UTP20: variants seen among roughly 807,000 people sequenced by gnomAD.
The protein encoded by UTP20 is small subunit processome component 20 homolog.
In UTP20, 164 loss-of-function variants were observed where a neutral mutation model predicts 329.5. That is an observed-to-expected ratio of 0.50 (90% CI 0.44 to 0.57). The LOEUF is 0.57. UTP20 is among the 20% of genes least tolerant of loss of function. The probability of loss-of-function intolerance (pLI) is 0.00; values close to 1 mark genes in which losing one functional copy is unlikely to be tolerated. For missense variants in UTP20, 3,055 were observed against 3,284.2 expected (o/e 0.93, Z 1.71); for synonymous variants, 1,151 against 1,159.3 (o/e 0.99, Z 0.14).
chr12:101,299,559 C>G, intron 12 of UTP20, 123 bp from the exon 13 acceptor site: 1 of 880,806 alleles, frequency 1.1e-6, no homozygotes, highest in Non-Finnish European at 1.6e-6. Context: ...TTAGCTCAAC[C>G]ACCACCACCA....
chr12:101,366,901 A>T (rs1231357848), intron 47 of UTP20, among the ~76,000 whole-genome samples: 1 of 152,106 alleles, frequency 6.6e-6, no homozygotes, highest in Non-Finnish European at 1.5e-5. Context: ...ACTGTCCCAG[A>T]ATTAATGATT....
chr12:101,306,595 A>T, intron 16 of UTP20, 104 bp from the exon 17 acceptor site: 2 of 1,010,178 alleles, frequency 2.0e-6, no homozygotes, highest in Non-Finnish European at 2.8e-6. Flanking sequence ...GTCAAATGGT[A>T]TTTTTTTTTT....
chr12:101,327,634 T>C (rs76779829), intron 26 of UTP20, among the ~76,000 whole-genome samples: 122 of 152,320 alleles, frequency 8.0e-4, no homozygotes, highest in Middle Eastern at 3.4e-3. Flanking sequence ...CATTCATCTA[T>C]TCGGTAATGA....
chr12:101,350,192 T>G (rs906699058), intron 38 of UTP20, among the ~76,000 whole-genome samples: 1 of 152,104 alleles, frequency 6.6e-6, no homozygotes. Flanking sequence ...ACTTGCACAG[T>G]GTCTCGCTCT....
intron 29 of UTP20, among the ~76,000 whole-genome samples, chr12:101,337,504 T>C (rs1868971886): frequency 6.6e-6 from 1 of 152,196 alleles, no homozygotes; most frequent in Non-Finnish European, 1.5e-5. Flanking sequence ...TTCATGTGAG[T>C]CTTTCATTAT....
intron 9 of UTP20, 33 bp downstream of exon 9, chr12:101,291,921 G>A: frequency 6.2e-7 from 1 of 1,607,002 alleles, no homozygotes. Context: ...TCGAGAGTCT[G>A]GTTTTTAAAA....
At chr12:101,379,830 T>TC (rs1442189402) in intron 57 of UTP20, among the ~76,000 whole-genome samples, 2 of 152,078 alleles carry the variant, frequency 1.3e-5, no homozygotes, top group Non-Finnish European at 2.9e-5. Flanking sequence ...GTTTTTTTTT[T>TC]CTTTTCTGAG....
At position 101,380,361 on chromosome 12, in the gene UTP20, A is replaced by G. The variant is rs190621694; in HGVS notation, c.7585-779A>G. 1.8e-3 allele frequency among the ~76,000 whole-genome samples: 272 copies of G among 152,066 alleles called. 3 individuals carry two copies. Among genetic ancestry groups the G allele is most frequent in the East Asian group, 4.2e-3 (22 of 5,180 alleles). Reference sequence around the variant, plus strand: ...GCCACTGCACTCCAGTCTGGGCAAGACCGAGATCTTATCTCAAAAAAACAA... The same window carrying G: ...GCCACTGCACTCCAGTCTGGGCAAGGCCGAGATCTTATCTCAAAAAAACAA... On this transcript the variant is annotated intron_variant, in intron 57 of 61. Transcript: ENST00000261637.
In UTP20 at chr12:101,325,395, C is replaced by CT. The variant is rs370794959; in HGVS notation, c.3042-1685dup. Reference sequence around the variant, plus strand: ...TGGCCAAAAGTTTTTTATGCTACTACTACTAAGACATTATCTTTTTCACTG... The same window carrying CT: ...TGGCCAAAAGTTTTTTATGCTACTACTTACTAAGACATTATCTTTTTCACTG... On this transcript the variant is annotated intron_variant, in intron 25 of 61. Transcript: ENST00000261637. Among the ~76,000 whole-genome samples the CT allele has an allele frequency of 2.8e-3, 421 of 152,308 alleles. 2 individuals carry two copies. Among genetic ancestry groups the CT allele is most frequent in the African/African-American group, 9.5e-3 (393 of 41,564 alleles).
At chr12:101,349,577 T>C (rs546851622) in intron 38 of UTP20, among the ~76,000 whole-genome samples, 11 of 152,096 alleles carry the variant, frequency 7.2e-5, no homozygotes, top group Non-Finnish European at 1.3e-4. Flanking sequence ...TAACTGGGAC[T>C]ACAGGCATAC....
chr12:101,375,500 G>T, intron 55 of UTP20, 124 bp from the exon 56 acceptor site: 2 of 924,606 alleles, frequency 2.2e-6, no homozygotes, highest in South Asian at 1.6e-5. Flanking sequence ...GGATCATCTG[G>T]CCCACAATGT....
intron 48 of UTP20, among the ~76,000 whole-genome samples, chr12:101,369,491 C>G (rs1367977834): frequency 6.6e-6 from 1 of 152,192 alleles, no homozygotes; most frequent in African/African-American, 2.4e-5. Flanking sequence ...TCCTCATGAT[C>G]TACCATCATA....
At chr12:101,344,139 A>T (rs190438242) in intron 35 of UTP20, among the ~76,000 whole-genome samples, 1 of 152,334 alleles carries the variant, frequency 6.6e-6, no homozygotes, top group East Asian at 1.9e-4. Flanking sequence ...AATCATGCCA[A>T]AATTCAGCAC....
chr12:101,346,057 C>CT (rs898881365), intron 37 of UTP20, among the ~76,000 whole-genome samples: 35 of 147,570 alleles, frequency 2.4e-4, no homozygotes, highest in African/African-American at 3.7e-4. Flanking sequence ...TAATCTTTGT[C>CT]TTTTTTTTTT....
At chr12:101,305,260 A>G (rs1225109190) in intron 15 of UTP20, among the ~76,000 whole-genome samples, 1 of 152,062 alleles carries the variant, frequency 6.6e-6, no homozygotes, top group Non-Finnish European at 1.5e-5. Flanking sequence ...CTACTAGAAT[A>G]TAAGTTCCAG....
At chr12:101,280,359 G>A (rs201409235) in intron 1 of UTP20, 32 bp downstream of exon 1, 3 of 1,551,572 alleles carry the variant, frequency 1.9e-6, no homozygotes, top group East Asian at 2.4e-5. Flanking sequence ...GGGAGCCGCG[G>A]GTCTCCGCTG....
intron 12 of UTP20, among the ~76,000 whole-genome samples, chr12:101,298,035 A>G (rs941604105): frequency 6.6e-6 from 1 of 152,172 alleles, no homozygotes; most frequent in Non-Finnish European, 1.5e-5. Flanking sequence ...TTAAAATCAT[A>G]GTTTGAATAT....
rs193068801 is a variant in UTP20, at chr12:101,283,110, G to A, written c.126+1914G>A. ...TTTGTATATATGGATCTGGAGTATA[G>A]GTGACTTCAGAGGTGAAATTACAGA... On this transcript the variant is annotated intron_variant, in intron 2 of 61. Transcript: ENST00000261637. Among the ~76,000 whole-genome samples the A allele has an allele frequency of 6.9e-4, 105 of 152,288 alleles. 1 individual carries two copies. Among genetic ancestry groups the A allele is most frequent in the Non-Finnish European group, 1.3e-3 (88 of 68,024 alleles).
intron 32 of UTP20, among the ~76,000 whole-genome samples, chr12:101,341,731 C>T (rs1869141461): frequency 6.6e-6 from 1 of 152,044 alleles, no homozygotes; most frequent in African/African-American, 2.4e-5. Context: ...ATAGTGAAAC[C>T]CTGTTTCTAC....
Sources: allele counts gnomAD v4.1 joint callset (sites outside exome capture counted in the v4.1 genomes callset), GRCh38; gene constraint gnomAD v4.1.1; transcripts MANE v1.5; gene names NCBI Gene and HGNC (gene_info 2026-07-23, HGNC 2026-07-21).